RAB6B: variants seen among roughly 807,000 people sequenced by gnomAD.
RAB6B encodes ras-related protein Rab-6B.
In RAB6B, 7 loss-of-function variants were observed where a neutral mutation model predicts 31.2. The ratio of observed to expected loss-of-function variants is 0.22; its 90% confidence interval spans 0.13 to 0.42. The LOEUF (loss-of-function observed/expected upper bound fraction) is 0.42. RAB6B is among the 10% of genes least tolerant of loss of function. RAB6B has a pLI of 1.00. For missense variants in RAB6B, 149 were observed against 280.6 expected, an observed-to-expected ratio of 0.53 and a Z score of 3.35; for synonymous variants, 105 against 104.9, an observed-to-expected ratio of 1.00 and a Z score of -0.01.
chr3:133,832,125 CTT>C (rs891567802), intron 7 of RAB6B, among the ~76,000 whole-genome samples: 23 of 152,140 alleles, frequency 1.5e-4, no homozygotes, highest in African/African-American at 5.5e-4. Context: ...CACTACTGCT[CTT>C]TCTTTGCGTA....
intron 2 of RAB6B, among the ~76,000 whole-genome samples, chr3:133,858,278 A>G (rs1373933119): frequency 6.6e-6 from 1 of 152,254 alleles, no homozygotes; most frequent in Non-Finnish European, 1.5e-5. Context: ...AGAAATGACT[A>G]TAATTATAAT....
intron 2 of RAB6B, among the ~76,000 whole-genome samples, chr3:133,853,689 T>C (rs1576399302): frequency 6.6e-6 from 1 of 152,180 alleles, no homozygotes; most frequent in East Asian, 1.9e-4. Context: ...ACACCAACAC[T>C]GGATTGGGAG....
rs116403168 is a variant in RAB6B at position 133,884,483 on chromosome 3, C to G, written c.70+10914G>C. 3.0e-3 allele frequency among the ~76,000 whole-genome samples: 450 copies of G among 152,352 alleles called. 3 individuals carry two copies. Among genetic ancestry groups the G allele is most frequent in the African/African-American group, 0.01 (423 of 41,590 alleles). ...GCATGGAAAGGGGCACTCCCTTCTA[C>G]AATGCTGCTCTCTCTCAAGTCCTTG... is the stretch of plus-strand genomic sequence containing the variant. On this transcript the variant is annotated intron_variant, in intron 1 of 7. Transcript: ENST00000285208.
chr3:133,853,333 G>C (rs949624309), intron 2 of RAB6B, among the ~76,000 whole-genome samples: 1 of 152,148 alleles, frequency 6.6e-6, no homozygotes, highest in Non-Finnish European at 1.5e-5. Context: ...GGGTATGAGA[G>C]TGTGGGGGTA....
At chr3:133,831,195 G>A (rs1935651503) in intron 7 of RAB6B, among the ~76,000 whole-genome samples, 1 of 152,194 alleles carries the variant, frequency 6.6e-6, no homozygotes, top group African/African-American at 2.4e-5. Context: ...TTAAAAATAC[G>A]TCTCACTGGG....
intron 1 of RAB6B, 43 bp from the exon 2 acceptor site, chr3:133,864,685 A>T: frequency 6.4e-7 from 1 of 1,561,350 alleles, no homozygotes; most frequent in South Asian, 1.1e-5. Flanking sequence ...ATGGCATCTG[A>T]GCTAGGCTCT....
At position 133,895,434 on chromosome 3, in the gene RAB6B, C is replaced by A; in HGVS notation, c.33G>T (p.Leu11=). MSAGGDFGNP[L]RKFKLVFLGE... is the part of the protein sequence containing the mutation. ...CCAAGAACACCAACTTGAATTTTCTCAGTGGATTCCCAAAATCTCCCCCTG... is the reference window on the plus strand; with the variant it reads ...CCAAGAACACCAACTTGAATTTTCTAAGTGGATTCCCAAAATCTCCCCCTG... Residue 11 remains leucine (L), a synonymous_variant, in exon 1 of 8, where the codon CTG becomes CTT. Transcript: ENST00000285208. The A allele has an allele frequency of 6.2e-7, 1 of 1,611,124 alleles. No homozygotes were observed. Among genetic ancestry groups the A allele is most frequent in the Non-Finnish European group, 8.5e-7 (1 of 1,178,754 alleles).
At chr3:133,870,294 G>A (rs573215416) in intron 1 of RAB6B, among the ~76,000 whole-genome samples, 1 of 152,280 alleles carries the variant, frequency 6.6e-6, no homozygotes, top group East Asian at 1.9e-4. Flanking sequence ...ATCACGAGAA[G>A]AGCATGGGGG....
intron 7 of RAB6B, among the ~76,000 whole-genome samples, chr3:133,831,181 T>A (rs1179887687): frequency 6.6e-6 from 1 of 152,256 alleles, no homozygotes; most frequent in Non-Finnish European, 1.5e-5. Flanking sequence ...TTCTGGGATG[T>A]TTGTTAAAAA....
At chr3:133,855,130 C>T (rs1936055454) in intron 2 of RAB6B, among the ~76,000 whole-genome samples, 1 of 152,256 alleles carries the variant, frequency 6.6e-6, no homozygotes, top group African/African-American at 2.4e-5. Context: ...CACCACTAAC[C>T]ATTAAATGAA....
intron 2 of RAB6B, 86 bp from the exon 3 acceptor site, chr3:133,841,749 C>A (rs1935836516): frequency 2.2e-6 from 3 of 1,379,186 alleles, no homozygotes; most frequent in Non-Finnish European, 3.1e-6. Context: ...GGTGGCATAA[C>A]CAGCAAGAGG....
rs1576388731 is a variant in RAB6B at position 133,825,267 on chromosome 3, C to T, written c.*3521G>A. ...GCCAGGAGGGCCATCCCTTTATTGTCACAACTGGTATCCCAGGGCAGGGCC... is the reference window on the plus strand; with the variant it reads ...GCCAGGAGGGCCATCCCTTTATTGTTACAACTGGTATCCCAGGGCAGGGCC... On this transcript the variant is annotated 3_prime_UTR_variant, in exon 8 of 8. Transcript: ENST00000285208. 6.6e-6 allele frequency: 1 copy of T among 152,188 alleles called. No individual in the cohort carries two copies. Among genetic ancestry groups the T allele is most frequent in the African/African-American group, 2.4e-5 (1 of 41,438 alleles). The allele number at this position is 152,188 out of a possible 1,614,324, so 9.4% of individuals were successfully genotyped here. A position where few individuals can be genotyped will look rare whatever the true frequency, so the allele number is the denominator to read the frequency against.
chr3:133,846,402 G>A (rs1037587541), intron 2 of RAB6B, among the ~76,000 whole-genome samples: 3 of 152,168 alleles, frequency 2.0e-5, no homozygotes, highest in Non-Finnish European at 4.4e-5. Context: ...AGCTGAGATC[G>A]CACCACTGCA....
chr3:133,884,829 T>C (rs1014380926), intron 1 of RAB6B, among the ~76,000 whole-genome samples: 6 of 141,260 alleles, frequency 4.2e-5, no homozygotes, highest in South Asian at 2.3e-4. Flanking sequence ...CACACACCAA[T>C]GATCAGAGGA....
intron 2 of RAB6B, among the ~76,000 whole-genome samples, chr3:133,863,590 G>GAT (rs1936193312): frequency 6.6e-6 from 1 of 152,108 alleles, no homozygotes; most frequent in African/African-American, 2.4e-5. Context: ...ACTATACACT[G>GAT]ATATAGTCAG....
At chr3:133,863,252 G>A (rs1936189339) in intron 2 of RAB6B, among the ~76,000 whole-genome samples, 1 of 152,208 alleles carries the variant, frequency 6.6e-6, no homozygotes, top group South Asian at 2.1e-4. Context: ...TAGCAGAGTA[G>A]AAGCAGAGGT....
intron 1 of RAB6B, among the ~76,000 whole-genome samples, chr3:133,886,259 T>C (rs1449960450): frequency 2.0e-5 from 3 of 152,232 alleles, no homozygotes; most frequent in Admixed American, 6.5e-5. Flanking sequence ...AAGCCTTCCC[T>C]GACTCCTCCA....
intron 1 of RAB6B, chr3:133,885,801 A>G: frequency 1.7e-6 from 1 of 590,022 alleles, no homozygotes; most frequent in East Asian, 2.8e-5. Context: ...TTCTAAGAGA[A>G]AGAATCAAGA....
chr3:133,860,626 G>A (rs1936147489), intron 2 of RAB6B, among the ~76,000 whole-genome samples: 1 of 152,246 alleles, frequency 6.6e-6, no homozygotes, highest in African/African-American at 2.4e-5. Context: ...GAGCATCTCA[G>A]GCAACCCCTT....
Sources: gnomAD v4.1 joint callset for allele counts (sites outside exome capture counted in the v4.1 genomes callset) on GRCh38, gnomAD v4.1.1 for gene constraint, MANE v1.5 for transcripts, NCBI Gene and HGNC (gene_info 2026-07-23, HGNC 2026-07-21) for gene names.